The following LRCH1 variants were observed in gnomAD, a reference collection of about 807,000 sequenced individuals.
The protein encoded by LRCH1 is leucine-rich repeat and calponin homology domain-containing protein 1.
A neutral mutation model predicts 94.9 loss-of-function variants in LRCH1; 23 were observed. The ratio of observed to expected loss-of-function variants is 0.24; its 90% confidence interval spans 0.17 to 0.34. The LOEUF (loss-of-function observed/expected upper bound fraction) is 0.34, where lower values mean the gene tolerates loss of function less well. LRCH1 is among the 10% of genes least tolerant of loss of function. LRCH1 has a pLI of 1.00. For synonymous variants in LRCH1, 364 were observed against 354.9 expected, an observed-to-expected ratio of 1.03 and a Z score of -0.29; for missense variants, 790 against 945.9, an observed-to-expected ratio of 0.84 and a Z score of 2.16.
In LRCH1 at chr13:46,742,459, G is replaced by A. The variant is rs551923877; in HGVS notation, c.*611G>A. ...TCCCAAATTTCCTAAAAAGGGAGCC[G>A]CGAAGGGCGCTGGGCAGTGTGGCCG... On this transcript the variant is annotated 3_prime_UTR_variant, in exon 20 of 20. Transcript: ENST00000389797. The A allele has an allele frequency of 8.5e-5, 84 of 987,022 alleles. No individual in the cohort carries two copies. The highest frequency in any genetic ancestry group is 7.9e-4 in the East Asian group (7 of 8,842). 61.1% of individuals were successfully genotyped at this position (987,022 alleles called of 1,614,324 possible). A position where few individuals can be genotyped will look rare whatever the true frequency, so the allele number is the denominator to read the frequency against.
intron 1 of LRCH1, among the ~76,000 whole-genome samples, chr13:46,565,283 T>C (rs2050169850): frequency 1.3e-5 from 2 of 152,148 alleles, no homozygotes; most frequent in African/African-American, 2.4e-5. Flanking sequence ...CCAGCAAGCT[T>C]GGGTGTACAT....
intron 7 of LRCH1, among the ~76,000 whole-genome samples, chr13:46,690,719 T>C (rs1354277688): frequency 6.6e-6 from 1 of 152,236 alleles, no homozygotes; most frequent in Non-Finnish European, 1.5e-5. Context: ...CCTTTGGCCT[T>C]TCCTTGTCTT....
At chr13:46,750,599 T>C in exon 19 of LRCH1, 1 of 1,552,056 alleles carries the variant, frequency 6.4e-7, no homozygotes, top group Non-Finnish European at 8.7e-7. Flanking sequence ...AAGTGGGCAT[T>C]ACCATTCAAG....
intron 1 of LRCH1, among the ~76,000 whole-genome samples, chr13:46,598,257 A>G (rs2050587017): frequency 6.6e-6 from 1 of 152,172 alleles, no homozygotes; most frequent in Admixed American, 6.5e-5. Flanking sequence ...AGTTCCAGAA[A>G]CAACACTATT....
intron 1 of LRCH1, among the ~76,000 whole-genome samples, chr13:46,638,293 C>G (rs1935404988): frequency 6.6e-6 from 1 of 152,160 alleles, no homozygotes; most frequent in Non-Finnish European, 1.5e-5. Flanking sequence ...ATGTCACTGG[C>G]AATACCTTTG....
Position 46,553,662 on chromosome 13 carries a change from C to T in LRCH1, c.266C>T (p.Thr89Ile). The T allele has an allele frequency of 6.2e-7, 1 of 1,609,472 alleles. No individual in the cohort carries two copies. Among genetic ancestry groups the T allele is most frequent in the Non-Finnish European group, 8.5e-7 (1 of 1,178,848 alleles). ...AGGAAATTGAAGGAATTTCCCCGTA[C>T]CGCAGCCCCCGGGCACGACCTCTCG... ...SARKLKEFPR[T>I]AAPGHDLSDT... The change falls in exon 1 of 20, where the codon ACC becomes ATC. Residue 89 changes from threonine (T) to isoleucine (I), a missense_variant. Transcript: ENST00000389797.
At chr13:46,733,514 C>T (rs1200946147) in intron 18 of LRCH1, among the ~76,000 whole-genome samples, 3 of 151,754 alleles carry the variant, frequency 2.0e-5, no homozygotes, top group African/African-American at 7.3e-5. Flanking sequence ...AGTATGATCC[C>T]GTAAAAACTA....
At position 46,744,046 on chromosome 13, in the gene LRCH1, C is replaced by T. The variant is rs772398412; in HGVS notation, c.*2198C>T. 3.5e-4 allele frequency: 341 copies of T among 985,196 alleles called. No individual in the cohort carries two copies. The highest frequency in any genetic ancestry group is 4.0e-4 in the Non-Finnish European group (334 of 829,920). The allele number at this position is 985,196 out of a possible 1,614,324, so 61.0% of individuals were successfully genotyped here. On this transcript the variant is annotated 3_prime_UTR_variant, in exon 20 of 20. Transcript: ENST00000389797. ...AACACAATTAATTTAGTCCTTTAGGCAAAAATTTGAATGAACTGTTCTGTC... is the reference window on the plus strand; with the variant it reads ...AACACAATTAATTTAGTCCTTTAGGTAAAAATTTGAATGAACTGTTCTGTC...
intron 2 of LRCH1, among the ~76,000 whole-genome samples, chr13:46,660,231 G>C (rs1286178663): frequency 6.6e-6 from 1 of 151,560 alleles, no homozygotes; most frequent in Non-Finnish European, 1.5e-5. Context: ...GGCCAGGATG[G>C]TCTCGATCTC....
chr13:46,689,070 G>C, intron 6 of LRCH1, 63 bp from the exon 7 acceptor site: 1 of 1,258,212 alleles, frequency 7.9e-7, no homozygotes, highest in South Asian at 1.3e-5. Flanking sequence ...GATGTTTCTT[G>C]GTGTGAACTT....
intron 3 of LRCH1, among the ~76,000 whole-genome samples, chr13:46,677,747 A>G (rs937971280): frequency 2.0e-5 from 3 of 152,122 alleles, no homozygotes; most frequent in Admixed American, 6.5e-5. Flanking sequence ...CAAATTCTCT[A>G]TTTTGTTTTT....
At chr13:46,607,917 A>C (rs2050706092) in intron 1 of LRCH1, among the ~76,000 whole-genome samples, 1 of 152,066 alleles carries the variant, frequency 6.6e-6, no homozygotes, top group African/African-American at 2.4e-5. Flanking sequence ...TCTCTAATAT[A>C]GTTAATAATT....
At chr13:46,739,824 A>G (rs571970742) in intron 19 of LRCH1, among the ~76,000 whole-genome samples, 2 of 152,300 alleles carry the variant, frequency 1.3e-5, no homozygotes, top group Non-Finnish European at 2.9e-5. Context: ...AGTCTGTGGC[A>G]TCGTGAAATT....
chr13:46,732,870 T>C (rs1486915321), intron 18 of LRCH1, among the ~76,000 whole-genome samples: 1 of 152,208 alleles, frequency 6.6e-6, no homozygotes, highest in African/African-American at 2.4e-5. Flanking sequence ...GACATCTCTT[T>C]AGGGCCCACG....
intron 1 of LRCH1, among the ~76,000 whole-genome samples, chr13:46,616,880 C>T (rs867403051): frequency 1.3e-5 from 2 of 151,946 alleles, no homozygotes; most frequent in Non-Finnish European, 1.5e-5. Flanking sequence ...CAATGTTTTG[C>T]GGGCAGGAGT....
At chr13:46,680,394 C>A (rs577827117) in intron 3 of LRCH1, among the ~76,000 whole-genome samples, 1 of 152,286 alleles carries the variant, frequency 6.6e-6, no homozygotes, top group South Asian at 2.1e-4. Flanking sequence ...GGAATGTAAA[C>A]CCATGAGCAA....
chr13:46,595,839 C>T (rs760188497), intron 1 of LRCH1, among the ~76,000 whole-genome samples: 2 of 148,306 alleles, frequency 1.3e-5, no homozygotes, highest in Non-Finnish European at 3.0e-5. Context: ...AAATTGGCCA[C>T]ATGGAATCCA....
At chr13:46,615,651 C>T (rs994731045) in intron 1 of LRCH1, among the ~76,000 whole-genome samples, 4 of 152,134 alleles carry the variant, frequency 2.6e-5, no homozygotes, top group Non-Finnish European at 5.9e-5. Flanking sequence ...TTGGGACCTG[C>T]TTTTGTCTTA....
At chr13:46,638,049 G>T (rs2051113376) in intron 1 of LRCH1, among the ~76,000 whole-genome samples, 1 of 152,144 alleles carries the variant, frequency 6.6e-6, no homozygotes, top group Non-Finnish European at 1.5e-5. Flanking sequence ...ATTAAACATT[G>T]CTTCAAACGA....
Sources: gnomAD v4.1 joint callset for allele counts (sites outside exome capture counted in the v4.1 genomes callset) on GRCh38, gnomAD v4.1.1 for gene constraint, MANE v1.5 for transcripts, NCBI Gene and HGNC (gene_info 2026-07-23, HGNC 2026-07-21) for gene names.